Variants in SYNE3 observed in about 807,000 individuals in gnomAD.
The protein encoded by SYNE3 is spectrin repeat containing nuclear envelope family member 3.
In SYNE3, 100 loss-of-function variants were observed where a neutral mutation model predicts 111.2. The observed-to-expected ratio is 0.90, with a 90% CI of 0.77 to 1.06. The LOEUF (loss-of-function observed/expected upper bound fraction) is 1.06. Among genes scored for constraint, SYNE3 ranks in the 50% least tolerant of loss-of-function variants. SYNE3 has a pLI of 0.00. For missense variants in SYNE3, 1,160 were observed against 1,240.3 expected (o/e 0.94, Z 0.97); for synonymous variants, 547 against 533.9 (o/e 1.02, Z -0.34).
At chr14:95,433,176 G>A in intron 16 of SYNE3, 84 bp downstream of exon 16, 1 of 1,541,990 alleles carries the variant, frequency 6.5e-7, no homozygotes, top group Non-Finnish European at 8.8e-7. Context: ...GTGGATGCAG[G>A]CTTAGCACTG....
chr14:95,511,639 C>T (rs1456829970), intron 1 of SYNE3, among the ~76,000 whole-genome samples: 7 of 152,032 alleles, frequency 4.6e-5, no homozygotes, highest in East Asian at 1.9e-4. Context: ...TGCTTGAACC[C>T]GGGAGGCAGA....
chr14:95,444,609 T>G lies in SYNE3; in HGVS notation c.1652A>C (p.Lys551Thr). 1.2e-6 allele frequency: 2 copies of G among 1,606,478 alleles called. No individual in the cohort carries two copies. The highest frequency in any genetic ancestry group is 1.7e-6 in the Non-Finnish European group (2 of 1,175,380). ...GGGCTCAAAAGCTGCTCCAAAGTCTTTGTGCTGAGCGAGCAGGCTCTGCAG... is the reference window on the plus strand; with the variant it reads ...GGGCTCAAAAGCTGCTCCAAAGTCTGTGTGCTGAGCGAGCAGGCTCTGCAG... ...SKLQSLLAQH[K>T]DFGAAFEPLQ... The change falls in exon 10 of 18, where the codon AAA becomes ACA. Residue 551 changes from lysine to threonine, a missense_variant. Physicochemically the swap from Lys to Thr is moderately conservative, Grantham distance 78. Transcript: ENST00000682763.
chr14:95,447,909 C>T (rs1313075772), intron 8 of SYNE3, among the ~76,000 whole-genome samples: 7 of 152,164 alleles, frequency 4.6e-5, no homozygotes, highest in Non-Finnish European at 8.8e-5. Context: ...ATAAAACTAC[C>T]TGTGCATAGA....
intron 11 of SYNE3, among the ~76,000 whole-genome samples, chr14:95,442,800 T>A (rs753712755): frequency 2.0e-5 from 3 of 152,238 alleles, no homozygotes; most frequent in Non-Finnish European, 4.4e-5. Context: ...CTCAGCAGCC[T>A]GCTCTCTTCT....
At position 95,467,821 on chromosome 14, in the gene SYNE3, T is replaced by A; in HGVS notation, c.291A>T (p.Thr97=). Residue 97 remains threonine, a synonymous_variant, in exon 3 of 18, where the codon ACA becomes ACT. Transcript: ENST00000682763. The part of the protein sequence containing the change: ...LKDIKAQWEE[T]VTYMTHCHSR... ...TGTGACAGTGAGTCATGTAGGTGAC[T>A]GTCTCCTCCCATTGGGCCTTGATGT... The A allele has an allele frequency of 1.2e-6, 2 of 1,614,210 alleles. No homozygotes were observed. Among genetic ancestry groups the A allele is most frequent in the Non-Finnish European group, 8.5e-7 (1 of 1,180,038 alleles).
chr14:95,436,865 TCTC>T lies in SYNE3; in HGVS notation c.2490_2492del (p.Met830_Arg831delinsIle). On this transcript the variant is annotated inframe_deletion, in exon 15 of 18. Transcript: ENST00000682763. Reference sequence around the variant, plus strand: ...TCCTCAAGTCCTCAGCTGTAGAAGTTCTCATTGCGATGATTCTAACCAGCTTGG... The same window carrying T: ...TCCTCAAGTCCTCAGCTGTAGAAGTTATTGCGATGATTCTAACCAGCTTGG... 6.2e-7 allele frequency: 1 copy of T among 1,614,208 alleles called. No homozygotes were observed. The highest frequency in any genetic ancestry group is 8.5e-7 in the Non-Finnish European group (1 of 1,180,040).
chr14:95,487,952 C>T (rs1889632071), intron 1 of SYNE3, among the ~76,000 whole-genome samples: 2 of 152,086 alleles, frequency 1.3e-5, no homozygotes, highest in South Asian at 2.1e-4. Context: ...TACTCAACAT[C>T]AGGACGATAA....
At chr14:95,494,570 G>T (rs1357931360) in intron 1 of SYNE3, among the ~76,000 whole-genome samples, 1 of 152,170 alleles carries the variant, frequency 6.6e-6, no homozygotes, top group Non-Finnish European at 1.5e-5. Context: ...GATTCCAAAG[G>T]GTTGTGTGGG....
intron 4 of SYNE3, among the ~76,000 whole-genome samples, chr14:95,460,845 G>C (rs1447564177): frequency 6.6e-6 from 1 of 152,254 alleles, no homozygotes; most frequent in Non-Finnish European, 1.5e-5. Flanking sequence ...TGGCCGCGCT[G>C]ATGGTGATAG....
At chr14:95,491,758 C>A (rs1889861148) in intron 1 of SYNE3, among the ~76,000 whole-genome samples, 2 of 136,890 alleles carry the variant, frequency 1.5e-5, no homozygotes, top group East Asian at 2.1e-4. Context: ...TTTTGTACTT[C>A]AAAGGCAAAA....
At chr14:95,515,982 A>G (rs896606023) in intron 1 of SYNE3, among the ~76,000 whole-genome samples, 10 of 152,224 alleles carry the variant, frequency 6.6e-5, no homozygotes, top group Non-Finnish European at 1.5e-5. Context: ...AGGCTCTCTC[A>G]GGCCCTGCAA....
intron 1 of SYNE3, among the ~76,000 whole-genome samples, chr14:95,513,772 T>TA (rs56006428): frequency 9.1e-5 from 12 of 131,984 alleles, no homozygotes; most frequent in East Asian, 6.5e-4. Flanking sequence ...TATATATATA[T>TA]TCAGAATCCA....
intron 1 of SYNE3, among the ~76,000 whole-genome samples, chr14:95,477,073 A>G (rs1888927420): frequency 1.3e-5 from 2 of 152,276 alleles, no homozygotes; most frequent in Non-Finnish European, 2.9e-5. Context: ...GTAAAAGCAA[A>G]ACAAAACATT....
intron 1 of SYNE3, among the ~76,000 whole-genome samples, chr14:95,493,138 A>G (rs987144057): frequency 2.0e-5 from 3 of 152,190 alleles, no homozygotes; most frequent in African/African-American, 4.8e-5. Flanking sequence ...TTTTCCTTCC[A>G]GGAAGCTAAA....
At chr14:95,457,421 T>G (rs751962333) in intron 4 of SYNE3, 83 bp from the exon 5 acceptor site, 301 of 345,082 alleles carry the variant, frequency 8.7e-4, no homozygotes, top group East Asian at 3.7e-3. Context: ...CCTGCCTGGG[T>G]GTGTGTGTGT....
At chr14:95,489,897 C>G (rs1555358381) in intron 1 of SYNE3, among the ~76,000 whole-genome samples, 1 of 152,162 alleles carries the variant, frequency 6.6e-6, no homozygotes, top group Non-Finnish European at 1.5e-5. Context: ...ACTCTGTAAC[C>G]CCAAAATAAG....
intron 17 of SYNE3, among the ~76,000 whole-genome samples, chr14:95,427,777 G>A (rs1885521778): frequency 4.4e-4 from 1 of 2,282 alleles, no homozygotes; most frequent in Admixed American, 7.4e-3. Flanking sequence ...CTTGGTGGTA[G>A]TGGTCCCCAG....
In SYNE3 at chr14:95,485,121, G is replaced by A. The variant is rs1187734; in HGVS notation, c.-14-9286C>T. Among the ~76,000 whole-genome samples, 115,156 of 151,758 alleles carry A rather than the reference G, an allele frequency of 0.76. 44,060 individuals carry two copies. The highest frequency in any genetic ancestry group is 0.83 in the African/African-American group (34,207 of 41,378). ...AGAACAGATGATTCTAACCATGGGCGTGAGTGTGTATTTGGCAAATTCATC... is the reference window on the plus strand; with the variant it reads ...AGAACAGATGATTCTAACCATGGGCATGAGTGTGTATTTGGCAAATTCATC... On this transcript the variant is annotated intron_variant, in intron 1 of 17. Coordinates refer to ENST00000682763, the MANE Select transcript of SYNE3 (RefSeq NM_152592.6). The surrounding 1 kb of genome is among the most constrained non-coding windows in gnomAD (Gnocchi z 4.3).
rs143056531 is a variant in SYNE3, at chr14:95,414,776, T to C, written c.*3050A>G. ...TCAAGTAGCACCTTAAAGCTCTGCA[T>C]GGCTGTTAAAGAGGCTGGAAACTAA... is the stretch of plus-strand genomic sequence containing the variant. On this transcript the variant is annotated 3_prime_UTR_variant, in exon 18 of 18. Coordinates refer to ENST00000682763, the MANE Select transcript of SYNE3 (RefSeq NM_152592.6). 6.6e-6 allele frequency: 1 copy of C among 151,912 alleles called. No homozygotes were observed. Among genetic ancestry groups the C allele is most frequent in the East Asian group, 1.9e-4 (1 of 5,170 alleles). The allele number at this position is 151,912 out of a possible 1,614,324, so 9.4% of individuals were successfully genotyped here. A position where few individuals can be genotyped will look rare whatever the true frequency, so the allele number is the denominator to read the frequency against.
Sources: allele counts gnomAD v4.1 joint callset (sites outside exome capture counted in the v4.1 genomes callset), GRCh38; gene constraint gnomAD v4.1.1; non-coding constraint Gnocchi (gnomAD v3.1); transcripts MANE v1.5; gene names NCBI Gene and HGNC (gene_info 2026-07-23, HGNC 2026-07-21).